The following HDAC9 variants were observed in gnomAD, a reference collection of about 807,000 sequenced individuals.
The protein encoded by HDAC9 is MEF-2 interacting transcription repressor (MITR) protein.
A neutral mutation model predicts 139.4 loss-of-function variants in HDAC9; 41 were observed. That is an observed-to-expected ratio of 0.29 (90% CI 0.23 to 0.38). The LOEUF (loss-of-function observed/expected upper bound fraction) is 0.38. HDAC9 is among the 10% of genes least tolerant of loss of function. HDAC9 has a pLI of 1.00. For synonymous variants in HDAC9, 517 were observed against 476.2 expected (o/e 1.09, Z -1.12); for missense variants, 1,147 against 1,297.0 (o/e 0.88, Z 1.78).
chr7:18,506,769 A>G (rs1365721426), intron 2 of HDAC9, among the ~76,000 whole-genome samples: 1 of 152,180 alleles, frequency 6.6e-6, no homozygotes, highest in African/African-American at 2.4e-5. Flanking sequence ...GCCATAAAAG[A>G]TACTGTCATT....
At chr7:18,625,609 T>C (rs1435756260) in intron 6 of HDAC9, among the ~76,000 whole-genome samples, 1 of 152,104 alleles carries the variant, frequency 6.6e-6, no homozygotes, top group Non-Finnish European at 1.5e-5. Flanking sequence ...TGGCCTATTC[T>C]CTACTAGTCA....
chr7:18,808,641 AT>A (rs1793927161), intron 17 of HDAC9, among the ~76,000 whole-genome samples: 1 of 152,148 alleles, frequency 6.6e-6, no homozygotes, highest in South Asian at 2.1e-4. Context: ...GATGGGAGAA[AT>A]TTTGAAAGAC....
At chr7:18,820,336 C>T (rs1233494308) in intron 17 of HDAC9, among the ~76,000 whole-genome samples, 2 of 152,118 alleles carry the variant, frequency 1.3e-5, no homozygotes, top group Admixed American at 1.3e-4. Context: ...ATATAGAACA[C>T]ATCTTTATGT....
intron 2 of HDAC9, among the ~76,000 whole-genome samples, chr7:18,189,867 T>C (rs1261924108): frequency 2.0e-5 from 3 of 152,150 alleles, no homozygotes; most frequent in Non-Finnish European, 2.9e-5. Flanking sequence ...TATTTTTATG[T>C]GAGCACAATG....
intron 2 of HDAC9, among the ~76,000 whole-genome samples, chr7:18,214,915 A>G (rs144400992): frequency 1.4e-4 from 22 of 152,268 alleles, no homozygotes; most frequent in African/African-American, 5.3e-4. Flanking sequence ...ACTATTTTGG[A>G]AGAGCATACT....
intron 11 of HDAC9, among the ~76,000 whole-genome samples, chr7:18,654,380 T>A (rs1790378311): frequency 6.6e-6 from 1 of 152,124 alleles, no homozygotes; most frequent in African/African-American, 2.4e-5. Context: ...TAGGGTAGGG[T>A]CATTTAAAAA....
chr7:18,544,215 C>G (rs1242726265), intron 2 of HDAC9, among the ~76,000 whole-genome samples: 2 of 152,056 alleles, frequency 1.3e-5, no homozygotes, highest in Non-Finnish European at 2.9e-5. Context: ...GAGAAGTTAT[C>G]AGATTTGAAG....
At chr7:18,502,639 T>C (rs1474576380) in intron 2 of HDAC9, 2 of 152,216 alleles carry the variant, frequency 1.3e-5, no homozygotes, top group African/African-American at 2.4e-5. Flanking sequence ...TAAATACTAA[T>C]GTAAGTATTT....
At chr7:18,138,897 A>G (rs138804849) in intron 1 of HDAC9, among the ~76,000 whole-genome samples, 9 of 152,236 alleles carry the variant, frequency 5.9e-5, no homozygotes, top group African/African-American at 1.7e-4. Flanking sequence ...CTCTAGAATA[A>G]TGATTCTAGC....
At chr7:18,886,520 A>T (rs1399337586) in intron 22 of HDAC9, among the ~76,000 whole-genome samples, 3 of 152,186 alleles carry the variant, frequency 2.0e-5, no homozygotes, top group Non-Finnish European at 4.4e-5. Flanking sequence ...GTGTTTCATC[A>T]TGAGATTGAG....
At chr7:18,896,182 T>G (rs1801184693) in intron 22 of HDAC9, among the ~76,000 whole-genome samples, 1 of 152,092 alleles carries the variant, frequency 6.6e-6, no homozygotes, top group Non-Finnish European at 1.5e-5. Flanking sequence ...AGAGTCTTAT[T>G]TATGTTTCAA....
intron 11 of HDAC9, 112 bp downstream of exon 11, chr7:18,648,795 ATG>A: frequency 1.1e-6 from 1 of 883,676 alleles, no homozygotes; most frequent in Non-Finnish European, 1.8e-6. Flanking sequence ...AGCAAAAAGG[ATG>A]TGATCATCCT....
At chr7:18,893,899 T>C (rs567278312) in intron 22 of HDAC9, among the ~76,000 whole-genome samples, 54 of 152,220 alleles carry the variant, frequency 3.5e-4, no homozygotes, top group African/African-American at 1.0e-3. Context: ...ATTGTAGGCA[T>C]GGGGAACAGA....
chr7:18,454,543 T>A (rs1586026811), intron 1 of HDAC9, among the ~76,000 whole-genome samples: 1 of 152,072 alleles, frequency 6.6e-6, no homozygotes, highest in African/African-American at 2.4e-5. Flanking sequence ...CCTTTCTTTA[T>A]GTTAGAGTAA....
intron 2 of HDAC9, among the ~76,000 whole-genome samples, chr7:18,249,595 C>T (rs1057002024): frequency 4.7e-5 from 7 of 149,086 alleles, no homozygotes; most frequent in African/African-American, 1.2e-4. Context: ...TATTTCCTAA[C>T]GTTCCTTCAA....
chr7:18,616,860 G>GTTGAATAGACT (rs1220484049), intron 6 of HDAC9, among the ~76,000 whole-genome samples: 2 of 152,158 alleles, frequency 1.3e-5, no homozygotes, highest in African/African-American at 2.4e-5. Context: ...GCTGTGAAGA[G>GTTGAATAGACT]TTGAATAGAC....
intron 2 of HDAC9, among the ~76,000 whole-genome samples, chr7:18,168,000 G>A (rs1372190745): frequency 1.3e-5 from 2 of 152,094 alleles, no homozygotes; most frequent in Non-Finnish European, 2.9e-5. Context: ...TTAAAATCAG[G>A]GCAGATCAGC....
At chr7:18,854,844 G>A (rs911091165) in intron 21 of HDAC9, among the ~76,000 whole-genome samples, 9 of 151,954 alleles carry the variant, frequency 5.9e-5, no homozygotes, top group Non-Finnish European at 1.3e-4. Context: ...ATTTTATCAC[G>A]GTCATTGACG....
chr7:18,154,037 C>T (rs940763128), intron 1 of HDAC9, among the ~76,000 whole-genome samples: 1 of 152,158 alleles, frequency 6.6e-6, no homozygotes, highest in Non-Finnish European at 1.5e-5. Context: ...AATTCCCAAG[C>T]CAATCTGTTA....
Sources: gnomAD v4.1 joint callset for allele counts (sites outside exome capture counted in the v4.1 genomes callset) on GRCh38, gnomAD v4.1.1 for gene constraint, MANE v1.5 for transcripts, NCBI Gene and HGNC (gene_info 2026-07-23, HGNC 2026-07-21) for gene names.